The following ZNF808 variants were observed in gnomAD, a reference collection of about 807,000 sequenced individuals.
ZNF808 encodes the protein zinc finger protein 808.
ZNF808 carries 5 observed loss-of-function variants against 8.7 expected under a neutral mutation model. The observed-to-expected ratio is 0.58, with a 90% CI of 0.30 to 1.21. The LOEUF is 1.21. Ranked by LOEUF, ZNF808 falls within the 50% of genes most tolerant of loss-of-function variation. The pLI, the probability that ZNF808 is intolerant of heterozygous loss-of-function variation, is 0.07. For missense variants in ZNF808, 1,103 were observed against 1,098.4 expected, an observed-to-expected ratio of 1.00 and a Z score of -0.06; for synonymous variants, 380 against 366.0, an observed-to-expected ratio of 1.04 and a Z score of -0.44.
At chr19:52,568,372 CCAAAA>C (rs71335658), downstream of ZNF808, among the ~76,000 whole-genome samples, 294 of 152,040 alleles carry the variant, frequency 1.9e-3, 1 homozygote, top group African/African-American at 5.5e-3. Context: ...GGACGCCTTC[CCAAAA>C]CAAAACAAAA....
At chr19:52,529,007 A>C (rs2059536685) in intron 1 of ZNF808, among the ~76,000 whole-genome samples, 1 of 151,914 alleles carries the variant, frequency 6.6e-6, no homozygotes, top group Admixed American at 6.6e-5. Flanking sequence ...AGGGAGAAAG[A>C]AAAGAAAACA....
intron 2 of ZNF808, among the ~76,000 whole-genome samples, chr19:52,540,441 G>T (rs575271722): frequency 6.6e-5 from 10 of 152,196 alleles, no homozygotes; most frequent in African/African-American, 1.7e-4. Context: ...TGAGGTCTGT[G>T]TGCTTTCTAG....
At chr19:52,547,478 A>G in intron 3 of ZNF808, 34 bp from the exon 4 acceptor site, 1 of 1,613,074 alleles carries the variant, frequency 6.2e-7, no homozygotes, top group Non-Finnish European at 8.5e-7. Flanking sequence ...TCAATCCTCC[A>G]TAATGTTTTG....
At chr19:52,559,452 CT>C (rs1325747310), downstream of ZNF808, among the ~76,000 whole-genome samples, 26 of 152,186 alleles carry the variant, frequency 1.7e-4, no homozygotes, top group Non-Finnish European at 3.1e-4. Context: ...CCACATCCCC[CT>C]CTCCGAGATG....
Position 52,555,163 on chromosome 19 carries a change from C to T in ZNF808, c.2247C>T (p.Thr749=), listed in dbSNP as rs771822694. Residue 749 remains threonine, a synonymous_variant, in exon 5 of 5, where the codon ACC becomes ACT. Transcript: ENST00000359798. ...ECSKTFSQKA[T]LLCHRRLHSG... Reference sequence around the variant, plus strand: ...GCAAGACGTTCAGTCAGAAGGCAACCCTTCTATGCCATCGTAGACTTCATA... The same window carrying T: ...GCAAGACGTTCAGTCAGAAGGCAACTCTTCTATGCCATCGTAGACTTCATA... The T allele has an allele frequency of 6.2e-6, 10 of 1,613,280 alleles. No individual in the cohort carries two copies. In the East Asian group the frequency reaches 2.2e-4, roughly 36 times the overall value.
chr19:52,566,777 G>A (rs191453397), downstream of ZNF808, among the ~76,000 whole-genome samples: 17 of 152,174 alleles, frequency 1.1e-4, no homozygotes, highest in South Asian at 2.3e-3. Context: ...TACTGCTCAC[G>A]CATGACTCAT....
chr19:52,536,279 G>A (rs2615588), intron 2 of ZNF808, among the ~76,000 whole-genome samples: 34,120 of 152,084 alleles, frequency 0.22, 4,363 homozygotes, highest in East Asian at 0.52. Context: ...TACACTTCCT[G>A]TCGCTTAGTT....
downstream of ZNF808, among the ~76,000 whole-genome samples, chr19:52,567,070 G>A (rs374976368): frequency 9.3e-5 from 14 of 151,328 alleles, no homozygotes; most frequent in African/African-American, 3.4e-4. Flanking sequence ...TCCTGCCTCA[G>A]CCTCCTGAGT....
intron 2 of ZNF808, among the ~76,000 whole-genome samples, chr19:52,534,714 C>A (rs747514677): frequency 1.5e-4 from 23 of 151,850 alleles, no homozygotes; most frequent in Non-Finnish European, 2.4e-4. Flanking sequence ...CATGGTGAAA[C>A]CCCGTCTCTA....
chr19:52,551,444 T>C (rs1321525954), intron 4 of ZNF808, among the ~76,000 whole-genome samples: 1 of 151,998 alleles, frequency 6.6e-6, no homozygotes, highest in Non-Finnish European at 1.5e-5. Flanking sequence ...TCTTAAAATG[T>C]TGTATATTTT....
chr19:52,563,893 G>A (rs948703122), exon 4 of ZNF808: 1 of 276,604 alleles, frequency 3.6e-6, no homozygotes, highest in African/African-American at 2.3e-5. Flanking sequence ...CTACTCAAGA[G>A]GCTGAGGCAG....
chr19:52,530,276 G>T (rs928394840), intron 1 of ZNF808, among the ~76,000 whole-genome samples: 4 of 151,842 alleles, frequency 2.6e-5, no homozygotes, highest in African/African-American at 4.8e-5. Context: ...GTCCAGGCTG[G>T]TCTTTAACTC....
rs2123131392 is a variant in ZNF808, at chr19:52,543,269, T to C, written c.-16T>C. On this transcript the variant is annotated 5_prime_UTR_variant, in exon 3 of 5. Transcript: ENST00000359798. The stretch of plus-strand genomic sequence containing the variant: ...TCTTATTTTTTTTCACATACAGGAT[T>C]GATTTCTAAAGACTCATGTTACGTG... 6 of 1,613,230 alleles carry C rather than the reference T, an allele frequency of 3.7e-6. No homozygotes were observed. Among genetic ancestry groups the C allele is most frequent in the African/African-American group, 1.3e-5 (1 of 74,960 alleles).
At chr19:52,562,510 T>G (rs1309590012) in intron 3 of ZNF808, among the ~76,000 whole-genome samples, 2 of 152,226 alleles carry the variant, frequency 1.3e-5, no homozygotes, top group Non-Finnish European at 2.9e-5. Flanking sequence ...ATAAGAACTC[T>G]GAACATGGCT....
downstream of ZNF808, among the ~76,000 whole-genome samples, chr19:52,557,330 G>T (rs1189018366): frequency 6.6e-6 from 1 of 150,838 alleles, no homozygotes; most frequent in South Asian, 2.1e-4. Flanking sequence ...GCAATGGTGC[G>T]ATCTGGTGTC....
chr19:52,539,771 T>C (rs1365116278), intron 2 of ZNF808, among the ~76,000 whole-genome samples: 3 of 151,732 alleles, frequency 2.0e-5, no homozygotes, highest in African/African-American at 4.8e-5. Flanking sequence ...CAGGCTGGTC[T>C]TGAACTCCTG....
chr19:52,529,120 A>G (rs1426516343), intron 1 of ZNF808, among the ~76,000 whole-genome samples: 1 of 151,940 alleles, frequency 6.6e-6, no homozygotes, highest in Non-Finnish European at 1.5e-5. Flanking sequence ...TCACGCCTGT[A>G]GTCTCCACAC....
Position 52,556,039 on chromosome 19 carries a change from G to A in ZNF808, c.*411G>A. ...GAGAAAATTCATTTTTGAGATAACT[G>A]TTCCCAATGCAGTGAGTATAGCAAA... On this transcript the variant is annotated 3_prime_UTR_variant, in exon 5 of 5. Coordinates refer to ENST00000359798, the MANE Select transcript of ZNF808 (RefSeq NM_001039886.4). 3.8e-6 allele frequency: 2 copies of A among 521,482 alleles called. No homozygotes were observed. Among genetic ancestry groups the A allele is most frequent in the Non-Finnish European group, 7.6e-6 (2 of 262,742 alleles). 32.3% of individuals were successfully genotyped at this position (521,482 alleles called of 1,614,324 possible). A position where few individuals can be genotyped will look rare whatever the true frequency, so the allele number is the denominator to read the frequency against.
downstream of ZNF808, among the ~76,000 whole-genome samples, chr19:52,557,506 G>A (rs549487313): frequency 6.6e-6 from 1 of 152,242 alleles, no homozygotes; most frequent in South Asian, 2.1e-4. Flanking sequence ...GACTTCAGGC[G>A]ATCTGCCGAC....
Sources: allele counts gnomAD v4.1 joint callset (sites outside exome capture counted in the v4.1 genomes callset), GRCh38; gene constraint gnomAD v4.1.1; transcripts MANE v1.5; gene names NCBI Gene and HGNC (gene_info 2026-07-23, HGNC 2026-07-21).